FAM169A: variants seen among roughly 807,000 people sequenced by gnomAD.
FAM169A encodes the protein soluble lamin-associated protein of 75 kDa.
A neutral mutation model predicts 75.7 loss-of-function variants in FAM169A; 24 were observed. The observed-to-expected ratio is 0.32, with a 90% CI of 0.23 to 0.45. FAM169A has a LOEUF of 0.45. Among genes scored for constraint, FAM169A ranks in the 20% least tolerant of loss-of-function variants. The pLI is 1.00. For synonymous variants in FAM169A, 271 were observed against 271.0 expected (o/e 1.00, Z 0.00); for missense variants, 673 against 784.0 (o/e 0.86, Z 1.69).
intron 1 of FAM169A, among the ~76,000 whole-genome samples, chr5:74,851,554 T>C (rs896749503): frequency 2.0e-5 from 3 of 152,168 alleles, no homozygotes; most frequent in Non-Finnish European, 4.4e-5. Context: ...CTCGAAACAT[T>C]TGCAAAAGCC....
intron 4 of FAM169A, among the ~76,000 whole-genome samples, chr5:74,835,248 C>T (rs1234143014): frequency 6.6e-6 from 1 of 152,066 alleles, no homozygotes; most frequent in Non-Finnish European, 1.5e-5. Context: ...ACACACAGGG[C>T]TACATGGTCA....
chr5:74,830,892 T>C (rs999214413), intron 5 of FAM169A, among the ~76,000 whole-genome samples: 2 of 152,172 alleles, frequency 1.3e-5, no homozygotes, highest in African/African-American at 4.8e-5. Context: ...TTTATTCCTA[T>C]ATAGCATAAT....
intron 10 of FAM169A, chr5:74,799,002 G>T: frequency 8.4e-7 from 1 of 1,187,998 alleles, no homozygotes; most frequent in Non-Finnish European, 1.3e-6. Flanking sequence ...TAATGTCACT[G>T]CATCAGTTTT....
chr5:74,798,888 T>C, intron 10 of FAM169A: 1 of 590,850 alleles, frequency 1.7e-6, no homozygotes, highest in Non-Finnish European at 3.1e-6. Context: ...TAAAACTGAC[T>C]AGAGCCCTGT....
intron 11 of FAM169A, among the ~76,000 whole-genome samples, chr5:74,795,148 C>T (rs1279690469): frequency 2.0e-5 from 3 of 152,004 alleles, no homozygotes; most frequent in African/African-American, 7.2e-5. Flanking sequence ...ATCCCAGCTA[C>T]TTGGAAGACT....
At chr5:74,790,504 G>A (rs1487572922) in intron 11 of FAM169A, among the ~76,000 whole-genome samples, 1 of 152,216 alleles carries the variant, frequency 6.6e-6, no homozygotes, top group Non-Finnish European at 1.5e-5. Context: ...TATGTGGATG[G>A]ACCTCTCTGA....
intron 11 of FAM169A, 71 bp from the exon 12 acceptor site, chr5:74,783,205 G>T: frequency 1.8e-6 from 2 of 1,139,254 alleles, no homozygotes; most frequent in South Asian, 1.4e-5. Context: ...TGCATGACGG[G>T]TCCCTTCTCA....
intron 5 of FAM169A, among the ~76,000 whole-genome samples, chr5:74,815,227 T>G (rs776611476): frequency 2.6e-5 from 4 of 152,026 alleles, no homozygotes; most frequent in Non-Finnish European, 4.4e-5. Flanking sequence ...TTCACTCTTG[T>G]TGCCGAGGCT....
In FAM169A at chr5:74,783,073, A is replaced by T. The variant is rs753768291; in HGVS notation, c.1322T>A (p.Ile441Lys). ...ACTAGTGGAGTCTTCCTCTTCTGTT[A>T]TAAGTGAGGTCTTAAGAGAATCGTC... ...IMDDSLKTSL[I>K]TEEEDSTSEV... The change falls in exon 12 of 13, where the codon ATA becomes AAA. Residue 441 changes from isoleucine (I) to lysine (K), a missense_variant. Coordinates refer to ENST00000687041, the MANE Select transcript of FAM169A (RefSeq NM_001376049.1). 1.2e-6 allele frequency: 2 copies of T among 1,613,734 alleles called. No individual in the cohort carries two copies. The highest frequency in any genetic ancestry group is 2.7e-5 in the African/African-American group (2 of 74,922).
intron 8 of FAM169A, among the ~76,000 whole-genome samples, chr5:74,804,203 A>G (rs975773383): frequency 6.6e-6 from 1 of 152,142 alleles, no homozygotes; most frequent in Non-Finnish European, 1.5e-5. Context: ...AACAGTGGCT[A>G]TATCTGAATA....
Position 74,866,343 on chromosome 5 carries a change from C to T in FAM169A, c.-182G>A. On this transcript the variant is annotated 5_prime_UTR_variant, in exon 1 of 13. Coordinates refer to ENST00000687041, the MANE Select transcript of FAM169A (RefSeq NM_001376049.1). Reference sequence around the variant, plus strand: ...GCCCCGGACGCCCGGCTCCTCGTCGCGGGTCGGCCGCGGCCCACCGTGCCC... The same window carrying T: ...GCCCCGGACGCCCGGCTCCTCGTCGTGGGTCGGCCGCGGCCCACCGTGCCC... 2 of 984,398 alleles carry T rather than the reference C, an allele frequency of 2.0e-6. No homozygotes were observed. Among genetic ancestry groups the T allele is most frequent in the Non-Finnish European group, 2.4e-6 (2 of 829,630 alleles). 61.0% of individuals were successfully genotyped at this position (984,398 alleles called of 1,614,324 possible). A position where few individuals can be genotyped will look rare whatever the true frequency, so the allele number is the denominator to read the frequency against.
intron 5 of FAM169A, among the ~76,000 whole-genome samples, chr5:74,828,783 ATGTGGGATTTATGCTG>A (rs1216799781): frequency 6.6e-6 from 1 of 152,208 alleles, no homozygotes; most frequent in Non-Finnish European, 1.5e-5. Context: ...TCACTTCGTC[ATGTGGGATTTATGCTG>A]TTTAAAAATG....
At chr5:74,829,301 G>A (rs1444376581) in intron 5 of FAM169A, among the ~76,000 whole-genome samples, 1 of 152,110 alleles carries the variant, frequency 6.6e-6, no homozygotes, top group East Asian at 1.9e-4. Flanking sequence ...CTTTCATCAA[G>A]TGCTTTCCTT....
At chr5:74,794,847 C>T (rs1746184992) in intron 11 of FAM169A, among the ~76,000 whole-genome samples, 1 of 151,470 alleles carries the variant, frequency 6.6e-6, no homozygotes, top group Admixed American at 6.6e-5. Context: ...CCTAGCTACT[C>T]GGGAGGCAGA....
chr5:74,840,583 C>A (rs968974467), intron 2 of FAM169A, among the ~76,000 whole-genome samples: 7 of 149,600 alleles, frequency 4.7e-5, no homozygotes, highest in African/African-American at 1.7e-4. Context: ...AATCCCAGCA[C>A]TCTGGGGAGG....
Position 74,781,632 on chromosome 5 carries a change from T to C in FAM169A, c.1841A>G (p.Gln614Arg), listed in dbSNP as rs1195403016. The change falls in exon 13 of 13, where the codon CAG becomes CGG. Residue 614 changes from glutamine to arginine, a missense_variant. Physicochemically the swap from Gln to Arg is conservative, Grantham distance 43. Around this residue, in one of 3 missense-constraint regions of FAM169A, gnomAD observed 510 missense variants for 550.9 expected, o/e 0.93. Transcript: ENST00000687041. ...CAGTTGCTCGGAAGATGCTTCAGAC[T>C]GCTCCTCTGACTGATTCTTCTGTCC... ...NAGQKNQSEE[Q>R]SEASSEQLDQ... 6.2e-7 allele frequency: 1 copy of C among 1,614,064 alleles called. No individual in the cohort carries two copies. Among genetic ancestry groups the C allele is most frequent in the Non-Finnish European group, 8.5e-7 (1 of 1,180,026 alleles).
chr5:74,820,893 T>A (rs1333041391), intron 5 of FAM169A, among the ~76,000 whole-genome samples: 1 of 152,190 alleles, frequency 6.6e-6, no homozygotes, highest in African/African-American at 2.4e-5. Flanking sequence ...TCAATCACTA[T>A]ACTCTGGCCA....
chr5:74,820,658 C>A (rs919133520), intron 5 of FAM169A, among the ~76,000 whole-genome samples: 1 of 152,168 alleles, frequency 6.6e-6, no homozygotes, highest in African/African-American at 2.4e-5. Context: ...ACAACAGCCT[C>A]TTAGCTAGCT....
chr5:74,844,855 C>CAAAT (rs946767322), intron 1 of FAM169A, among the ~76,000 whole-genome samples: 1 of 152,074 alleles, frequency 6.6e-6, no homozygotes, highest in African/African-American at 2.4e-5. Flanking sequence ...TGATCTAAAT[C>CAAAT]AAATACTAAG....
Sources: gnomAD v4.1 joint callset for allele counts (sites outside exome capture counted in the v4.1 genomes callset) on GRCh38, gnomAD v4.1.1 for gene constraint, gnomAD v4.1.1 regional missense constraint, MANE v1.5 for transcripts, NCBI Gene and HGNC (gene_info 2026-07-23, HGNC 2026-07-21) for gene names.